FAM178B: variants seen among roughly 807,000 people sequenced by gnomAD.
The protein encoded by FAM178B is family with sequence similarity 178 member B.
In FAM178B, 82 loss-of-function variants were observed where a neutral mutation model predicts 91.7. That is an observed-to-expected ratio of 0.89 (90% CI 0.75 to 1.07). The LOEUF (loss-of-function observed/expected upper bound fraction) is 1.07, where lower values mean the gene tolerates loss of function less well. Among genes scored for constraint, FAM178B ranks in the 50% least tolerant of loss-of-function variants. FAM178B has a pLI of 0.00. For missense variants in FAM178B, 769 were observed against 846.7 expected (o/e 0.91, Z 1.14); for synonymous variants, 368 against 359.4 (o/e 1.02, Z -0.27).
intron 8 of FAM178B, among the ~76,000 whole-genome samples, chr2:96,940,318 C>T (rs919330499): frequency 1.3e-5 from 2 of 152,204 alleles, no homozygotes; most frequent in East Asian, 1.9e-4. Context: ...ACAGGAGACG[C>T]GACCTGCAGA....
At chr2:96,890,346 C>T (rs895988102) in intron 14 of FAM178B, among the ~76,000 whole-genome samples, 3 of 152,136 alleles carry the variant, frequency 2.0e-5, no homozygotes, top group Non-Finnish European at 4.4e-5. Context: ...ATGTGCCTGT[C>T]CCAGCTACTT....
At chr2:96,967,460 AG>A in intron 5 of FAM178B, 59 bp downstream of exon 5, 2 of 1,059,830 alleles carry the variant, frequency 1.9e-6, no homozygotes, top group Non-Finnish European at 2.8e-6. Context: ...CCAAAACCAG[AG>A]GGGGTTGGCA....
chr2:96,929,827 T>C (rs916339467), intron 8 of FAM178B, among the ~76,000 whole-genome samples: 3 of 152,246 alleles, frequency 2.0e-5, no homozygotes, highest in African/African-American at 7.2e-5. Context: ...ACACCTCGCC[T>C]GCCTCCCACA....
chr2:96,894,884 C>A (rs1574206080), intron 13 of FAM178B, among the ~76,000 whole-genome samples: 1 of 122,628 alleles, frequency 8.2e-6, no homozygotes. Context: ...ACCCAGTCAT[C>A]CCCCCCACAG....
chr2:96,880,491 G>A (rs934228851), intron 14 of FAM178B, among the ~76,000 whole-genome samples: 4 of 152,216 alleles, frequency 2.6e-5, no homozygotes, highest in Admixed American at 6.5e-5. Flanking sequence ...CTCTCTCTGG[G>A]AGAAAGGATT....
At chr2:96,957,334 G>A (rs2082013428) in intron 6 of FAM178B, among the ~76,000 whole-genome samples, 1 of 152,204 alleles carries the variant, frequency 6.6e-6, no homozygotes, top group Non-Finnish European at 1.5e-5. Flanking sequence ...TCCAGGAAGT[G>A]GGCCTCGCCA....
intron 5 of FAM178B, among the ~76,000 whole-genome samples, chr2:96,964,397 C>T (rs1039934150): frequency 2.6e-5 from 4 of 152,078 alleles, no homozygotes; most frequent in East Asian, 1.9e-4. Context: ...AACTGAACTT[C>T]GCCCATGTGG....
chr2:96,973,247 C>T (rs1159006006), intron 1 of FAM178B, among the ~76,000 whole-genome samples: 1 of 150,434 alleles, frequency 6.6e-6, no homozygotes, highest in African/African-American at 2.4e-5. Flanking sequence ...ACCAGCACAG[C>T]TCAGCAGAAA....
rs1397038654 is a variant in FAM178B at position 96,929,199 on chromosome 2, T to G, written c.1193+7A>C. ...GAAAAAGGCAGTGAGGAAGCAGAAGTACTCACCTGCCACCGTGCCAAAAGG... is the reference window on the plus strand; with the variant it reads ...GAAAAAGGCAGTGAGGAAGCAGAAGGACTCACCTGCCACCGTGCCAAAAGG... On this transcript the variant is annotated splice_region_variant and intron_variant, in intron 9 of 16. Coordinates refer to ENST00000490605, the MANE Select transcript of FAM178B (RefSeq NM_001122646.3). 17 of 1,535,096 alleles carry G rather than the reference T, an allele frequency of 1.1e-5. No individual in the cohort carries two copies. Among genetic ancestry groups the G allele is most frequent in the Non-Finnish European group, 1.5e-5 (17 of 1,132,132 alleles).
chr2:96,957,870 C>G (rs915940775), intron 6 of FAM178B, among the ~76,000 whole-genome samples: 2 of 151,932 alleles, frequency 1.3e-5, no homozygotes, highest in African/African-American at 4.8e-5. Context: ...CATTTTAGAC[C>G]TCCAGACAAA....
chr2:96,962,769 G>A (rs1461225596), intron 5 of FAM178B, among the ~76,000 whole-genome samples: 1 of 152,216 alleles, frequency 6.6e-6, no homozygotes, highest in Non-Finnish European at 1.5e-5. Flanking sequence ...GTTAGAGCAT[G>A]CACAGATGCT....
At chr2:96,913,445 A>G (rs2081191703) in intron 12 of FAM178B, among the ~76,000 whole-genome samples, 2 of 152,122 alleles carry the variant, frequency 1.3e-5, no homozygotes, top group African/African-American at 4.8e-5. Flanking sequence ...GAGCTGACCC[A>G]GGGCCGGGCA....
intron 13 of FAM178B, among the ~76,000 whole-genome samples, chr2:96,896,147 T>G (rs2080818815): frequency 6.6e-6 from 1 of 152,210 alleles, no homozygotes; most frequent in Non-Finnish European, 1.5e-5. Flanking sequence ...ACCCCCAGCG[T>G]GGCCTTTGGG....
At chr2:96,882,132 T>C (rs114810987) in intron 14 of FAM178B, among the ~76,000 whole-genome samples, 2,989 of 152,278 alleles carry the variant, frequency 0.02, 51 homozygotes, top group South Asian at 0.034. Context: ...GTCTCAGAGC[T>C]GCAAAGAGGT....
intron 1 of FAM178B, 58 bp from the exon 2 acceptor site, chr2:96,972,664 A>G: frequency 1.3e-6 from 2 of 1,483,212 alleles, no homozygotes; most frequent in South Asian, 1.2e-5. Context: ...AAAGGTTCTA[A>G]ACCCCGTGAT....
chr2:96,929,429 T>C, intron 8 of FAM178B, 109 bp from the exon 9 acceptor site: 1 of 749,982 alleles, frequency 1.3e-6, no homozygotes, highest in Non-Finnish European at 2.3e-6. Context: ...AACCAGTTTT[T>C]GCCTTCTCTG....
At chr2:96,927,651 C>G (rs1467496916) in intron 9 of FAM178B, among the ~76,000 whole-genome samples, 1 of 152,226 alleles carries the variant, frequency 6.6e-6, no homozygotes, top group African/African-American at 2.4e-5. Context: ...CTCCTGCCCA[C>G]TCTGCCTCTG....
intron 12 of FAM178B, among the ~76,000 whole-genome samples, chr2:96,915,040 A>G (rs2081219401): frequency 6.6e-6 from 1 of 152,164 alleles, no homozygotes; most frequent in East Asian, 1.9e-4. Context: ...GCTGAGATGG[A>G]AAATGGGTAC....
intron 8 of FAM178B, among the ~76,000 whole-genome samples, chr2:96,933,715 C>A (rs1296420231): frequency 6.6e-6 from 1 of 152,198 alleles, no homozygotes; most frequent in Admixed American, 6.5e-5. Context: ...TGGGTGGCTG[C>A]ACTGGGAGGG....
Sources: allele counts gnomAD v4.1 joint callset (sites outside exome capture counted in the v4.1 genomes callset), GRCh38; gene constraint gnomAD v4.1.1; transcripts MANE v1.5; gene names NCBI Gene and HGNC (gene_info 2026-07-23, HGNC 2026-07-21).